Variants in GNPNAT1 observed in about 807,000 individuals in gnomAD.
GNPNAT1 encodes the protein glucosamine 6-phosphate N-acetyltransferase.
A neutral mutation model predicts 19.8 loss-of-function variants in GNPNAT1; 11 were observed. The observed-to-expected ratio is 0.56, with a 90% confidence interval of 0.35 to 0.92. The LOEUF is 0.92. GNPNAT1 is among the 40% of genes least tolerant of loss of function. GNPNAT1 has a pLI of 0.01. For synonymous variants in GNPNAT1, 71 were observed against 72.3 expected (o/e 0.98, Z 0.09); for missense variants, 157 against 211.0 (o/e 0.74, Z 1.59).
intron 1 of GNPNAT1, among the ~76,000 whole-genome samples, chr14:52,789,010 A>T (rs1883087677): frequency 6.6e-6 from 1 of 152,228 alleles, no homozygotes; most frequent in African/African-American, 2.4e-5. Context: ...TCTTAAAAAT[A>T]CAATGAACGA....
intron 4 of GNPNAT1, among the ~76,000 whole-genome samples, chr14:52,781,507 TG>T (rs1239896934): frequency 6.6e-6 from 1 of 152,166 alleles, no homozygotes; most frequent in Non-Finnish European, 1.5e-5. Flanking sequence ...TATTCAGAGT[TG>T]TTTTTTTTAA....
At position 52,780,754 on chromosome 14, in the gene GNPNAT1, CA is replaced by C. The variant is rs751607075; in HGVS notation, c.346-15del. 6 of 1,550,696 alleles carry C rather than the reference CA, an allele frequency of 3.9e-6. No homozygotes were observed. The highest frequency in any genetic ancestry group is 3.4e-5 in the Admixed American group (2 of 59,560). On this transcript the variant is annotated splice_polypyrimidine_tract_variant and intron_variant, in intron 4 of 5. Transcript: ENST00000216410. The stretch of plus-strand genomic sequence containing the variant: ...TACTCTTCCTCTCTGAAAATATTTA[CA>C]ATGTTTAAAGGAGTAAGCATTTACT...
Position 52,775,594 on chromosome 14 carries a change from T to C in GNPNAT1, c.*2717A>G, listed in dbSNP as rs1432182330. 2.0e-5 allele frequency: 3 copies of C among 152,136 alleles called. No individual in the cohort carries two copies. The highest frequency in any genetic ancestry group is 4.4e-5 in the Non-Finnish European group (3 of 68,034). The allele number at this position is 152,136 out of a possible 1,614,324, so 9.4% of individuals were successfully genotyped here. A position where few individuals can be genotyped will look rare whatever the true frequency, so the allele number is the denominator to read the frequency against. On this transcript the variant is annotated 3_prime_UTR_variant, in exon 6 of 6. Coordinates refer to ENST00000216410, the MANE Select transcript of GNPNAT1 (RefSeq NM_198066.4). ...ATTATACCTTTTCACAAGCAAATAGTGGCCAAAGATGTGAACGGCCAGACA... is the reference window on the plus strand; with the variant it reads ...ATTATACCTTTTCACAAGCAAATAGCGGCCAAAGATGTGAACGGCCAGACA...
intron 1 of GNPNAT1, among the ~76,000 whole-genome samples, chr14:52,788,626 C>G (rs922295615): frequency 1.3e-5 from 2 of 152,116 alleles, no homozygotes; most frequent in Non-Finnish European, 2.9e-5. Flanking sequence ...TTCCTCGAGG[C>G]AGCACACTAT....
At chr14:52,780,640 C>T in intron 5 of GNPNAT1, 39 bp downstream of exon 5, 1 of 1,400,060 alleles carries the variant, frequency 7.1e-7, no homozygotes, top group Non-Finnish European at 1.0e-6. Context: ...TAAATTGGAA[C>T]AAAATTTATC....
At chr14:52,781,476 CAA>C (rs1882893732) in intron 4 of GNPNAT1, among the ~76,000 whole-genome samples, 1 of 152,016 alleles carries the variant, frequency 6.6e-6, no homozygotes, top group African/African-American at 2.4e-5. Context: ...CATGTGGAAA[CAA>C]ATTTATGCTA....
chr14:52,789,986 C>CAAAAAAAA (rs200756037), intron 1 of GNPNAT1, among the ~76,000 whole-genome samples: 8 of 107,072 alleles, frequency 7.5e-5, no homozygotes, highest in African/African-American at 1.1e-4. Flanking sequence ...TCCAGAAGGA[C>CAAAAAAAA]AAAAAAAAAA....
chr14:52,790,323 T>G (rs1465019155), intron 1 of GNPNAT1, among the ~76,000 whole-genome samples: 1 of 150,664 alleles, frequency 6.6e-6, no homozygotes, highest in Non-Finnish European at 1.5e-5. Flanking sequence ...TGGGGAACCT[T>G]CTAAGTACAG....
chr14:52,784,582 T>C lies in GNPNAT1; in HGVS notation c.69A>G (p.Thr23=), dbSNP rs1221920688. 6 of 1,608,364 alleles carry C rather than the reference T, an allele frequency of 3.7e-6. No individual in the cohort carries two copies. The highest frequency in any genetic ancestry group is 5.1e-6 in the Non-Finnish European group (6 of 1,176,742). The change falls in exon 2 of 6, where the codon ACA becomes ACG. Residue 23 remains threonine (T), a synonymous_variant. Coordinates refer to ENST00000216410, the MANE Select transcript of GNPNAT1 (RefSeq NM_198066.4). ...LLKEVDWSQN[T]ATFSPAISPT... ...GGGAAATGGCTGGAGAAAATGTAGC[T>C]GTATTCTGACTCCAGTCCACTTCTT...
chr14:52,783,112 AT>A (rs1380109334), intron 3 of GNPNAT1, among the ~76,000 whole-genome samples: 1 of 152,086 alleles, frequency 6.6e-6, no homozygotes, highest in Non-Finnish European at 1.5e-5. Context: ...TGGTAATGAA[AT>A]TTCTGTAAAT....
intron 2 of GNPNAT1, among the ~76,000 whole-genome samples, chr14:52,783,979 A>T (rs1023568764): frequency 6.6e-6 from 1 of 152,160 alleles, no homozygotes; most frequent in Non-Finnish European, 1.5e-5. Flanking sequence ...GAATTTTGAA[A>T]ATCTTAACTT....
intron 4 of GNPNAT1, 83 bp from the exon 5 acceptor site, chr14:52,780,823 T>G (rs369130828): frequency 6.2e-6 from 5 of 802,168 alleles, no homozygotes. Context: ...TTACTGATAA[T>G]AAGTAGTATA....
At chr14:52,780,630 TA>T in intron 5 of GNPNAT1, 48 bp downstream of exon 5, 1 of 1,229,100 alleles carries the variant, frequency 8.1e-7, no homozygotes, top group Non-Finnish European at 1.2e-6. Context: ...GTTAAGAAAC[TA>T]AATTGGAACA....
chr14:52,787,360 A>T (rs1442100086), intron 1 of GNPNAT1, among the ~76,000 whole-genome samples: 1 of 152,120 alleles, frequency 6.6e-6, no homozygotes, highest in Non-Finnish European at 1.5e-5. Flanking sequence ...TATACTAGTT[A>T]TGGGAAGGTA....
chr14:52,778,558 T>A (rs1882798780), intron 5 of GNPNAT1, 100 bp from the exon 6 acceptor site: 1 of 1,025,174 alleles, frequency 9.8e-7, no homozygotes, highest in African/African-American at 1.7e-5. Flanking sequence ...TAAGTTTCCT[T>A]AGAAACAGGT....
Position 52,784,628 on chromosome 14 carries a change from A to G in GNPNAT1, c.23T>C (p.Met8Thr), listed in dbSNP as rs756341946. The G allele has an allele frequency of 1.9e-6, 3 of 1,574,424 alleles. No homozygotes were observed. The South Asian group carries it at 3.5e-5, about 19-fold the overall frequency. The change falls in exon 2 of 6, where the codon ATG becomes ACG. Residue 8 changes from methionine to threonine, a missense_variant. Transcript: ENST00000216410. MKPDETP[M>T]FDPSLLKEVD... ...TTCTTTGAGTAGACTTGGGTCAAAC[A>G]TAGGAGTTTCATCAGGTTTCATTTT...
chr14:52,782,807 C>T (rs1464775478), intron 3 of GNPNAT1, among the ~76,000 whole-genome samples: 1 of 152,020 alleles, frequency 6.6e-6, no homozygotes, highest in Non-Finnish European at 1.5e-5. Flanking sequence ...AATTCCTCAG[C>T]TATTAAATAT....
At chr14:52,787,177 A>T (rs1315547134) in intron 1 of GNPNAT1, among the ~76,000 whole-genome samples, 1 of 152,090 alleles carries the variant, frequency 6.6e-6, no homozygotes, top group Non-Finnish European at 1.5e-5. Flanking sequence ...ATATCCAGTT[A>T]AAGAAACCAT....
At chr14:52,779,586 G>A (rs1025551168) in intron 5 of GNPNAT1, among the ~76,000 whole-genome samples, 11 of 151,590 alleles carry the variant, frequency 7.3e-5, no homozygotes, top group African/African-American at 1.7e-4. Flanking sequence ...TGGGTGCAGC[G>A]GCATGCACCT....
Sources: allele counts gnomAD v4.1 joint callset (sites outside exome capture counted in the v4.1 genomes callset), GRCh38; gene constraint gnomAD v4.1.1; transcripts MANE v1.5; gene names NCBI Gene and HGNC (gene_info 2026-07-23, HGNC 2026-07-21).